The following PPP2R2B variants were observed in gnomAD, a reference collection of about 807,000 sequenced individuals.
The protein encoded by PPP2R2B is protein phosphatase 2 regulatory subunit Bbeta.
A neutral mutation model predicts 46.0 loss-of-function variants in PPP2R2B; 5 were observed. The ratio of observed to expected loss-of-function variants is 0.11; its 90% CI spans 0.06 to 0.23. The LOEUF is 0.23. PPP2R2B is among the 10% of genes least tolerant of loss of function. PPP2R2B has a pLI of 1.00. For missense variants in PPP2R2B, 367 were observed against 575.0 expected, an observed-to-expected ratio of 0.64 and a Z score of 3.70; for synonymous variants, 215 against 206.7, an observed-to-expected ratio of 1.04 and a Z score of -0.34.
exon 1 of PPP2R2B, chr5:147,055,715 T>C (rs148351763): frequency 6.2e-7 from 1 of 1,613,296 alleles, no homozygotes; most frequent in Admixed American, 1.7e-5. Flanking sequence ...TCTGAAGATG[T>C]AAGGCAGGTA....
intron 5 of PPP2R2B, among the ~76,000 whole-genome samples, chr5:146,660,076 CA>C (rs1315546353): frequency 6.6e-6 from 1 of 152,138 alleles, no homozygotes; most frequent in Non-Finnish European, 1.5e-5. Flanking sequence ...AGGAGTTTTG[CA>C]AATAGCTCCG....
chr5:146,689,689 C>T (rs1198902759), intron 5 of PPP2R2B, among the ~76,000 whole-genome samples: 1 of 152,208 alleles, frequency 6.6e-6, no homozygotes, highest in East Asian at 1.9e-4. Context: ...CCAGGCTGGA[C>T]TGACTCAACA....
chr5:146,812,284 A>G (rs1757598471), intron 2 of PPP2R2B, among the ~76,000 whole-genome samples: 1 of 150,858 alleles, frequency 6.6e-6, no homozygotes, highest in African/African-American at 2.4e-5. Context: ...ATGGTATCTC[A>G]TTTGCCTCAA....
At chr5:146,878,833 C>T, upstream of PPP2R2B, 3 of 1,247,428 alleles carry the variant, frequency 2.4e-6, 1 homozygote, top group Non-Finnish European at 3.1e-6. The surrounding 1 kb of genome is among the most constrained non-coding windows in gnomAD (Gnocchi z 4.5). Flanking sequence ...CGACTCTTTC[C>T]CAGCAGCAGT....
chr5:147,030,063 A>C (rs877736), intron 1 of PPP2R2B, among the ~76,000 whole-genome samples: 66,228 of 152,066 alleles, frequency 0.44, 17,815 homozygotes, highest in Non-Finnish European at 0.59. Context: ...TTAGAATTGC[A>C]TGTTGCTGTA....
chr5:146,752,451 T>A (rs1753614532), intron 2 of PPP2R2B, among the ~76,000 whole-genome samples: 1 of 152,220 alleles, frequency 6.6e-6, no homozygotes, highest in Non-Finnish European at 1.5e-5. Flanking sequence ...TTAACACATA[T>A]CTGAAATTAT....
intron 2 of PPP2R2B, among the ~76,000 whole-genome samples, chr5:147,069,159 C>T (rs1390578763): frequency 6.6e-6 from 1 of 152,134 alleles, no homozygotes; most frequent in Non-Finnish European, 1.5e-5. Context: ...AAAACTGTAA[C>T]ATTTACAAAT....
intron 1 of PPP2R2B, among the ~76,000 whole-genome samples, chr5:147,047,227 T>C (rs781095412): frequency 2.6e-4 from 39 of 152,072 alleles, no homozygotes; most frequent in Non-Finnish European, 5.0e-4. Context: ...TAAGTTCCAG[T>C]GTTCTATACC....
intron 2 of PPP2R2B, among the ~76,000 whole-genome samples, chr5:146,743,202 G>C (rs931303752): frequency 6.6e-6 from 1 of 152,164 alleles, no homozygotes; most frequent in Non-Finnish European, 1.5e-5. Flanking sequence ...TCTGAAGATT[G>C]TCATAAACGA....
chr5:146,888,948 A>C (rs1762410922), intron 1 of PPP2R2B, among the ~76,000 whole-genome samples: 1 of 152,182 alleles, frequency 6.6e-6, no homozygotes, highest in African/African-American at 2.4e-5. Flanking sequence ...GTCACTCTCT[A>C]TCCCTATATT....
intron 2 of PPP2R2B, among the ~76,000 whole-genome samples, chr5:146,817,794 CATTTCTTT>C (rs1758019026): frequency 6.6e-6 from 1 of 152,214 alleles, no homozygotes; most frequent in Non-Finnish European, 1.5e-5. Context: ...GGCTCAGTTT[CATTTCTTT>C]GACCAACGGT....
At chr5:147,048,062 GGT>G (rs1756622557) in intron 1 of PPP2R2B, among the ~76,000 whole-genome samples, 1 of 152,174 alleles carries the variant, frequency 6.6e-6, no homozygotes, top group Non-Finnish European at 1.5e-5. Context: ...ATAGGGCTGT[GGT>G]AGAGATAGCC....
At chr5:146,629,334 G>A (rs1774270247) in intron 7 of PPP2R2B, among the ~76,000 whole-genome samples, 1 of 152,104 alleles carries the variant, frequency 6.6e-6, no homozygotes, top group African/African-American at 2.4e-5. Context: ...AAACCTACGA[G>A]TTATCTTAGA....
rs539077307 is a variant in PPP2R2B, at chr5:146,761,630, T to A, written c.71-60488A>T. 1.1e-3 allele frequency among the ~76,000 whole-genome samples: 158 copies of A among 144,218 alleles called. 2 individuals carry two copies. Among genetic ancestry groups the A allele is most frequent in the East Asian group, 0.01 (52 of 5,024 alleles). 94.6% of individuals were successfully genotyped at this position (144,218 alleles called of 152,430 possible). A position where few individuals can be genotyped will look rare whatever the true frequency, so the allele number is the denominator to read the frequency against. On this transcript the variant is annotated intron_variant, in intron 2 of 9. Coordinates refer to ENST00000394411, the MANE Select transcript of PPP2R2B (RefSeq NM_181675.4). Reference sequence around the variant, plus strand: ...CTTAAAGTATAGTAATAATAAAATTTAAAAAAAAAAAAGAAAATATTTGAG... The same window carrying A: ...CTTAAAGTATAGTAATAATAAAATTAAAAAAAAAAAAAGAAAATATTTGAG...
At chr5:146,687,161 A>C (rs1053166092) in intron 5 of PPP2R2B, among the ~76,000 whole-genome samples, 1 of 152,098 alleles carries the variant, frequency 6.6e-6, no homozygotes, top group East Asian at 1.9e-4. Flanking sequence ...TAATAATGGC[A>C]CTAATTATTA....
intron 1 of PPP2R2B, among the ~76,000 whole-genome samples, chr5:146,913,555 T>TC (rs2151807951): frequency 6.6e-6 from 1 of 152,046 alleles, no homozygotes; most frequent in Admixed American, 6.6e-5. Flanking sequence ...TTTCAATGTT[T>TC]TTTTTTTCAA....
chr5:146,780,567 A>G (rs534706194), intron 2 of PPP2R2B, among the ~76,000 whole-genome samples: 16 of 152,326 alleles, frequency 1.1e-4, no homozygotes, highest in Non-Finnish European at 1.8e-4. Flanking sequence ...TATCTTTGGC[A>G]TATTCCCCTT....
At chr5:147,020,078 G>A (rs994605565) in intron 1 of PPP2R2B, among the ~76,000 whole-genome samples, 1 of 151,914 alleles carries the variant, frequency 6.6e-6, no homozygotes. Flanking sequence ...ATCTTTCTTC[G>A]TCCACCCTCT....
chr5:146,855,536 A>G (rs1760606677), intron 2 of PPP2R2B, among the ~76,000 whole-genome samples: 1 of 152,042 alleles, frequency 6.6e-6, no homozygotes, highest in Non-Finnish European at 1.5e-5. Flanking sequence ...CCCTTTTTGA[A>G]CTGTGACCAC....
Sources: gnomAD v4.1 joint callset for allele counts (sites outside exome capture counted in the v4.1 genomes callset) on GRCh38, gnomAD v4.1.1 for gene constraint, Gnocchi (gnomAD v3.1) non-coding constraint, MANE v1.5 for transcripts, NCBI Gene and HGNC (gene_info 2026-07-23, HGNC 2026-07-21) for gene names.